Variants in C10orf67 observed in about 807,000 individuals in gnomAD.
The protein encoded by C10orf67 is chromosome 10 open reading frame 67, also known as uncharacterized protein C10orf67, mitochondrial.
In C10orf67, 60 loss-of-function variants were observed where a neutral mutation model predicts 35.6. That is an observed-to-expected ratio of 1.68 (90% confidence interval 1.37 to 2.09). The LOEUF (loss-of-function observed/expected upper bound fraction) is 2.09, where lower values mean the gene tolerates loss of function less well. C10orf67 is among the 30% of genes most tolerant of loss of function. The pLI, the probability that C10orf67 is intolerant of heterozygous loss-of-function variation, is 0.00. For synonymous variants in C10orf67, 167 were observed against 115.8 expected (o/e 1.44, Z -2.84); for missense variants, 474 against 330.2 (o/e 1.44, Z -3.38).
At position 23,278,282 on chromosome 10, in the gene C10orf67, G is replaced by A. The variant is rs377704508; in HGVS notation, c.975+3731C>T. On this transcript the variant is annotated intron_variant, in intron 8 of 15. Transcript: ENST00000636213. ...CAAAAAGGTTGAGAACCCCTGGAAT[G>A]GAACCTGGAAATTAATCCTGGAAAC... 2.0e-5 allele frequency among the ~76,000 whole-genome samples: 3 copies of A among 152,094 alleles called. No individual in the cohort carries two copies. In the East Asian group the frequency reaches 5.8e-4, roughly 29 times the overall value.
chr10:23,343,874 G>A, intron 1 of C10orf67: 1 of 463,238 alleles, frequency 2.2e-6, no homozygotes. Flanking sequence ...CTCCGGGGCG[G>A]GCCGGCGGGG....
intron 1 of C10orf67, among the ~76,000 whole-genome samples, chr10:23,333,582 A>C (rs890274114): frequency 6.6e-6 from 1 of 152,156 alleles, no homozygotes; most frequent in African/African-American, 2.4e-5. Context: ...GGGTTCTGGG[A>C]TACTCTATTA....
At chr10:23,274,754 A>C (rs1843133569) in intron 8 of C10orf67, among the ~76,000 whole-genome samples, 2 of 152,192 alleles carry the variant, frequency 1.3e-5, no homozygotes, top group Non-Finnish European at 2.9e-5. Flanking sequence ...GCTTACAAAG[A>C]TGACGGGATT....
intron 10 of C10orf67, among the ~76,000 whole-genome samples, chr10:23,251,657 T>C (rs1250450544): frequency 1.3e-5 from 2 of 152,166 alleles, no homozygotes; most frequent in African/African-American, 2.4e-5. Flanking sequence ...CCAGAGTCAT[T>C]GCTACTTTCT....
At chr10:23,335,781 G>C (rs1177254765) in intron 1 of C10orf67, among the ~76,000 whole-genome samples, 1 of 152,094 alleles carries the variant, frequency 6.6e-6, no homozygotes, top group Non-Finnish European at 1.5e-5. Flanking sequence ...GTAGTGGTGA[G>C]CCTCATTTCT....
chr10:23,313,759 C>T (rs1283263030), intron 4 of C10orf67, among the ~76,000 whole-genome samples: 1 of 152,032 alleles, frequency 6.6e-6, no homozygotes, highest in Non-Finnish European at 1.5e-5. Context: ...GAAGTGGAAA[C>T]AGATAAAAGT....
intron 2 of C10orf67, 121 bp from the exon 3 acceptor site, chr10:23,322,658 C>T: frequency 3.2e-6 from 2 of 623,280 alleles, no homozygotes; most frequent in Non-Finnish European, 5.5e-6. Context: ...AAGAGGGGAG[C>T]AACACACACT....
At chr10:23,231,700 A>G (rs1257078387) in intron 13 of C10orf67, among the ~76,000 whole-genome samples, 1 of 152,240 alleles carries the variant, frequency 6.6e-6, no homozygotes, top group Non-Finnish European at 1.5e-5. Flanking sequence ...GTGAAACTAG[A>G]AGAATGCTGA....
At chr10:23,266,486 T>G (rs980783963) in intron 9 of C10orf67, 60 bp from the exon 10 acceptor site, 2 of 397,976 alleles carry the variant, frequency 5.0e-6, no homozygotes, top group Non-Finnish European at 8.9e-6. Flanking sequence ...TTTGTGTCCC[T>G]TTCTTTCACA....
At chr10:23,220,211 A>G (rs1026996413) in intron 15 of C10orf67, among the ~76,000 whole-genome samples, 3 of 152,280 alleles carry the variant, frequency 2.0e-5, no homozygotes, top group Non-Finnish European at 4.4e-5. Flanking sequence ...GTTTTAATTT[A>G]TTAGCCTACT....
chr10:23,300,692 C>T (rs1046088630), intron 5 of C10orf67, among the ~76,000 whole-genome samples: 7 of 152,178 alleles, frequency 4.6e-5, no homozygotes, highest in Non-Finnish European at 1.0e-4. Context: ...TAGGCTTCCT[C>T]CTAGTTTCCC....
Position 23,238,387 on chromosome 10 carries a change from T to C in C10orf67, c.1434+1342A>G, listed in dbSNP as rs61664408. ...TCAACATACTGTGTGGACGTATAGA[T>C]GAAGATTCATAAACTTTGAATCCAG... On this transcript the variant is annotated intron_variant, in intron 13 of 15. Coordinates refer to ENST00000636213, the MANE Select transcript of C10orf67 (RefSeq NM_001371909.1). 0.011 allele frequency among the ~76,000 whole-genome samples: 1,617 copies of C among 152,304 alleles called. 123 individuals carry two copies. The East Asian group carries it at 0.21, about 19-fold the overall frequency.
At chr10:23,258,367 C>T in intron 10 of C10orf67, 1 of 167,762 alleles carries the variant, frequency 6.0e-6, no homozygotes. Context: ...CACCACTGTG[C>T]TGTTTCTGAT....
chr10:23,204,258 A>G lies in C10orf67; in HGVS notation c.1571-3T>C. On this transcript the variant is annotated splice_region_variant and splice_polypyrimidine_tract_variant and intron_variant, in intron 15 of 15. Coordinates refer to ENST00000636213, the MANE Select transcript of C10orf67 (RefSeq NM_001371909.1). ...TTTTGGGGATTCCGACAACTTCCCT[A>G]AACGTGAAGAAAGGTGGACAGACAT... The G allele has an allele frequency of 1.6e-6, 1 of 636,688 alleles. No homozygotes were observed. Among genetic ancestry groups the G allele is most frequent in the Non-Finnish European group, 2.9e-6 (1 of 342,720 alleles). The allele number at this position is 636,688 out of a possible 1,614,324, so 39.4% of individuals were successfully genotyped here. A position where few individuals can be genotyped will look rare whatever the true frequency, so the allele number is the denominator to read the frequency against.
chr10:23,339,722 GT>G (rs1414924953), intron 1 of C10orf67, among the ~76,000 whole-genome samples: 3 of 152,190 alleles, frequency 2.0e-5, no homozygotes, highest in Non-Finnish European at 4.4e-5. Context: ...TGCTATCAGT[GT>G]ATTGTCTAGA....
rs1179120744 is a variant in C10orf67 at position 23,266,180 on chromosome 10, G to A, written c.1200+82C>T. The A allele has an allele frequency of 7.6e-6, 3 of 397,336 alleles. No homozygotes were observed. In the East Asian group the frequency reaches 1.1e-4, roughly 14 times the overall value. 24.6% of individuals were successfully genotyped at this position (397,336 alleles called of 1,614,324 possible). A position where few individuals can be genotyped will look rare whatever the true frequency, so the allele number is the denominator to read the frequency against. Reference sequence around the variant, plus strand: ...GAGAACCCGGTGTGCTTAGACTGCAGGCCTCATGGATAGGGCTAAAGAGAC... The same window carrying A: ...GAGAACCCGGTGTGCTTAGACTGCAAGCCTCATGGATAGGGCTAAAGAGAC... On this transcript the variant is annotated intron_variant, in intron 10 of 15. Coordinates refer to ENST00000636213, the MANE Select transcript of C10orf67 (RefSeq NM_001371909.1).
In C10orf67 at chr10:23,214,603, T is replaced by C. The variant is rs930278811; in HGVS notation, c.1570+8995A>G. Among the ~76,000 whole-genome samples, 3 of 152,046 alleles carry C rather than the reference T, an allele frequency of 2.0e-5. 1 individual carries two copies. In the East Asian group the frequency reaches 5.8e-4, roughly 29 times the overall value. On this transcript the variant is annotated intron_variant, in intron 15 of 15. Transcript: ENST00000636213. ...TAGAAGGAAATAGCAGAGAAACACA[T>C]AAATCCAACAACCAAAAAAAGTAGA...
chr10:23,256,775 T>C (rs1415141668), intron 10 of C10orf67, among the ~76,000 whole-genome samples: 1 of 151,922 alleles, frequency 6.6e-6, no homozygotes, highest in Non-Finnish European at 1.5e-5. Context: ...GGTGCAGACT[T>C]GAGGAGGGGA....
At chr10:23,340,377 G>A (rs1020315628) in intron 1 of C10orf67, among the ~76,000 whole-genome samples, 10 of 151,644 alleles carry the variant, frequency 6.6e-5, no homozygotes, top group African/African-American at 2.4e-4. Context: ...AAAATTAGCT[G>A]GGCCTGGTGG....
Sources: gnomAD v4.1 joint callset for allele counts (sites outside exome capture counted in the v4.1 genomes callset) on GRCh38, gnomAD v4.1.1 for gene constraint, MANE v1.5 for transcripts, NCBI Gene and HGNC (gene_info 2026-07-23, HGNC 2026-07-21) for gene names.